WAPL: variants seen among roughly 807,000 people sequenced by gnomAD.
The protein encoded by WAPL is WAPL cohesin release factor, also known as wings apart-like protein homolog.
Under a neutral mutation model 121.0 loss-of-function variants are expected in WAPL, and 5 were observed. The ratio of observed to expected loss-of-function variants is 0.04; its 90% confidence interval spans 0.02 to 0.09. WAPL has a LOEUF of 0.09. Ranked by LOEUF, WAPL falls within the 10% of genes least tolerant of loss-of-function variation. The pLI, the probability that WAPL is intolerant of heterozygous loss-of-function variation, is 1.00. For missense variants in WAPL, 999 were observed against 1,410.8 expected, an observed-to-expected ratio of 0.71 and a Z score of 4.68; for synonymous variants, 480 against 481.5, an observed-to-expected ratio of 1.00 and a Z score of 0.04.
At chr10:86,506,899 G>T (rs1842363178) in intron 2 of WAPL, among the ~76,000 whole-genome samples, 2 of 152,000 alleles carry the variant, frequency 1.3e-5, no homozygotes, top group Admixed American at 1.3e-4. Context: ...TTTCAGAGCA[G>T]GACAGTTTGG....
intron 4 of WAPL, among the ~76,000 whole-genome samples, chr10:86,483,292 TG>T (rs1841836528): frequency 6.6e-6 from 1 of 152,046 alleles, no homozygotes; most frequent in Non-Finnish European, 1.5e-5. Flanking sequence ...TGGAGGTGCA[TG>T]CCTGTAATCC....
At chr10:86,474,085 A>G in intron 4 of WAPL, 112 bp from the exon 5 acceptor site, 1 of 817,512 alleles carries the variant, frequency 1.2e-6, no homozygotes, top group South Asian at 1.6e-5. Flanking sequence ...AGCAGGATGG[A>G]TACTATCTGG....
chr10:86,453,573 C>A, intron 13 of WAPL, 83 bp downstream of exon 13: 1 of 1,454,816 alleles, frequency 6.9e-7, no homozygotes, highest in Non-Finnish European at 9.2e-7. Flanking sequence ...AATCACTACC[C>A]CAGGAAAAGG....
chr10:86,501,008 G>A (rs1412929131), intron 2 of WAPL, among the ~76,000 whole-genome samples: 1 of 152,148 alleles, frequency 6.6e-6, no homozygotes, highest in Non-Finnish European at 1.5e-5. Context: ...GCAGGGTTAA[G>A]CAACTGAATC....
chr10:86,510,006 C>T (rs1206861977), intron 2 of WAPL, among the ~76,000 whole-genome samples: 7 of 150,926 alleles, frequency 4.6e-5, no homozygotes, highest in South Asian at 2.1e-4. Context: ...CCTCGTGATC[C>T]GCCCGCCTCG....
intron 12 of WAPL, among the ~76,000 whole-genome samples, chr10:86,454,822 G>A (rs1336442296): frequency 6.6e-6 from 1 of 151,794 alleles, no homozygotes. Context: ...CGTCTGAGAT[G>A]TGGGGAGCAC....
At chr10:86,474,090 A>G (rs1841596954) in intron 4 of WAPL, 117 bp from the exon 5 acceptor site, 2 of 762,142 alleles carry the variant, frequency 2.6e-6, no homozygotes, top group African/African-American at 1.7e-5. Flanking sequence ...GATGGATACT[A>G]TCTGGGAACA....
intron 4 of WAPL, among the ~76,000 whole-genome samples, chr10:86,490,802 C>T (rs1006816629): frequency 6.6e-6 from 1 of 152,064 alleles, no homozygotes; most frequent in Non-Finnish European, 1.5e-5. Context: ...GTGGCTCACA[C>T]CTGTAATTCC....
chr10:86,454,563 G>C (rs1036885308), intron 12 of WAPL, among the ~76,000 whole-genome samples: 1 of 152,252 alleles, frequency 6.6e-6, no homozygotes, highest in Non-Finnish European at 1.5e-5. Context: ...GGAGTGCAGT[G>C]GCGTGATCTT....
Position 86,442,328 on chromosome 10 carries a change from G to A in WAPL, c.3411+947C>T, listed in dbSNP as rs111628450. Among the ~76,000 whole-genome samples, 198 of 152,236 alleles carry A rather than the reference G, an allele frequency of 1.3e-3. 3 individuals carry two copies. The South Asian group carries it at 0.031, about 24-fold the overall frequency. On this transcript the variant is annotated intron_variant, in intron 17 of 18. Transcript: ENST00000298767. ...ATTACAGGCATGAGCCACCATGCCC[G>A]GCCACAAGAGCTTTTTCATTAGTAT...
At chr10:86,454,416 C>T (rs1270956319) in intron 12 of WAPL, among the ~76,000 whole-genome samples, 1 of 152,108 alleles carries the variant, frequency 6.6e-6, no homozygotes. Flanking sequence ...CACGGTCTCC[C>T]TCTGATGCCA....
intron 4 of WAPL, among the ~76,000 whole-genome samples, chr10:86,495,096 A>C (rs766441100): frequency 2.0e-5 from 3 of 152,216 alleles, no homozygotes; most frequent in Non-Finnish European, 2.9e-5. Flanking sequence ...TACAAGAATA[A>C]AAGGTACTGG....
At chr10:86,508,612 CGTCA>C (rs1396776796) in intron 2 of WAPL, among the ~76,000 whole-genome samples, 1 of 152,130 alleles carries the variant, frequency 6.6e-6, no homozygotes, top group Non-Finnish European at 1.5e-5. Flanking sequence ...CAGCATTCCG[CGTCA>C]GTCAATACTT....
rs550784602 is a variant in WAPL at position 86,442,113 on chromosome 10, G to A, written c.3411+1162C>T. ...ACGATCTTGGCTCACTGCAAACTCC[G>A]CCTCCAGGATTCAAGCGATTCGATT... On this transcript the variant is annotated intron_variant, in intron 17 of 18. Transcript: ENST00000298767. Among the ~76,000 whole-genome samples the A allele has an allele frequency of 1.3e-4, 20 of 152,222 alleles. No homozygotes were observed. In the East Asian group the frequency reaches 2.1e-3, roughly 16 times the overall value.
At chr10:86,498,196 C>T (rs1842185454) in intron 3 of WAPL, among the ~76,000 whole-genome samples, 1 of 152,214 alleles carries the variant, frequency 6.6e-6, no homozygotes, top group Non-Finnish European at 1.5e-5. Flanking sequence ...GGATAACTTG[C>T]TATCCAGGTT....
chr10:86,446,373 G>C lies in WAPL; in HGVS notation c.3191C>G (p.Thr1064Ser). The change falls in exon 16 of 19, where the codon ACT becomes AGT. Residue 1064 changes from threonine to serine, a missense_variant. Coordinates refer to ENST00000298767, the MANE Select transcript of WAPL (RefSeq NM_015045.5). ...TDELIKDAPT[T>S]QHDKSGEWQE... is the part of the protein sequence containing the mutation. ...CCACTCTCCACTCTTATCATGCTGA[G>C]TGGTGGGAGCATCTTTGATCAACTC... 1 of 1,614,138 alleles carries C rather than the reference G, an allele frequency of 6.2e-7. No homozygotes were observed. Among genetic ancestry groups the C allele is most frequent in the Non-Finnish European group, 8.5e-7 (1 of 1,180,040 alleles).
intron 17 of WAPL, among the ~76,000 whole-genome samples, chr10:86,440,945 T>C (rs906910538): frequency 6.1e-5 from 9 of 147,890 alleles, no homozygotes; most frequent in Admixed American, 4.7e-4. Flanking sequence ...GTGGGGTGGG[T>C]AGATGGGCCC....
At chr10:86,520,766 TAA>T (rs10574217) in intron 1 of WAPL, among the ~76,000 whole-genome samples, 23,629 of 98,524 alleles carry the variant, frequency 0.24, 3,267 homozygotes, top group East Asian at 0.44. Flanking sequence ...CGCTGTGATT[TAA>T]AAAAAAAAAA....
intron 2 of WAPL, among the ~76,000 whole-genome samples, chr10:86,507,240 C>T (rs562813681): frequency 2.0e-5 from 3 of 151,196 alleles, no homozygotes; most frequent in Non-Finnish European, 3.0e-5. Flanking sequence ...TGGTGACAGG[C>T]GCCTATAATC....
Sources: gnomAD v4.1 joint callset for allele counts (sites outside exome capture counted in the v4.1 genomes callset) on GRCh38, gnomAD v4.1.1 for gene constraint, MANE v1.5 for transcripts, NCBI Gene and HGNC (gene_info 2026-07-23, HGNC 2026-07-21) for gene names.